Variants in DMRT1 observed in about 807,000 individuals in gnomAD.
DMRT1 encodes doublesex- and mab-3-related transcription factor 1.
In DMRT1, 7 loss-of-function variants were observed where a neutral mutation model predicts 32.3. The observed-to-expected ratio is 0.22, with a 90% CI of 0.12 to 0.41. DMRT1 has a LOEUF of 0.41. Ranked by LOEUF, DMRT1 falls within the 10% of genes least tolerant of loss-of-function variation. DMRT1 has a pLI of 1.00. For missense variants in DMRT1, 625 were observed against 500.5 expected, an observed-to-expected ratio of 1.25 and a Z score of -2.37; for synonymous variants, 278 against 206.1, an observed-to-expected ratio of 1.35 and a Z score of -2.99.
At chr9:844,549 G>C (rs899751342) in intron 1 of DMRT1, among the ~76,000 whole-genome samples, 2 of 149,314 alleles carry the variant, frequency 1.3e-5, no homozygotes, top group African/African-American at 2.6e-5. Flanking sequence ...CAAGATTTAA[G>C]CTTAATTATT....
At chr9:854,394 G>A (rs965748466) in intron 2 of DMRT1, among the ~76,000 whole-genome samples, 7 of 151,406 alleles carry the variant, frequency 4.6e-5, no homozygotes, top group Admixed American at 1.3e-4. Flanking sequence ...AGTGATTCTC[G>A]TGCCTCAGCC....
At chr9:901,106 C>G (rs762462007) in intron 3 of DMRT1, among the ~76,000 whole-genome samples, 13 of 152,218 alleles carry the variant, frequency 8.5e-5, no homozygotes, top group Non-Finnish European at 1.8e-4. Context: ...CCTCCACCTC[C>G]TGGACTTAAG....
chr9:935,811 A>G (rs1350500893), intron 4 of DMRT1, among the ~76,000 whole-genome samples: 2 of 152,222 alleles, frequency 1.3e-5, no homozygotes, highest in Non-Finnish European at 2.9e-5. Context: ...TTGTTTACTT[A>G]TCAAACCAAA....
intron 2 of DMRT1, among the ~76,000 whole-genome samples, chr9:874,879 T>C (rs912761280): frequency 1.4e-5 from 2 of 147,956 alleles, no homozygotes; most frequent in African/African-American, 5.0e-5. Flanking sequence ...GCTATCTCAC[T>C]TCACTGCAAG....
chr9:891,716 G>C (rs1039893381), intron 2 of DMRT1, among the ~76,000 whole-genome samples: 1 of 151,290 alleles, frequency 6.6e-6, no homozygotes, highest in African/African-American at 2.4e-5. Context: ...AGTAGAGACA[G>C]GGTTTCACCG....
intron 3 of DMRT1, among the ~76,000 whole-genome samples, chr9:913,330 C>T (rs1269130935): frequency 1.3e-5 from 2 of 152,134 alleles, no homozygotes; most frequent in East Asian, 1.9e-4. Context: ...ATGTCGGCAC[C>T]TTGCTTCTAA....
chr9:897,090 A>ATATTATTATTATTAT (rs35331172), intron 3 of DMRT1, among the ~76,000 whole-genome samples: 24 of 141,172 alleles, frequency 1.7e-4, no homozygotes, highest in African/African-American at 6.2e-4. Context: ...TTTTGGAATC[A>ATATTATTATTATTAT]TATTATTATT....
Position 842,186 on chromosome 9 carries a change from C to G in DMRT1, c.348C>G (p.Ala116=). The change falls in exon 1 of 5, where the codon GCC becomes GCG. Residue 116 remains alanine, a synonymous_variant. Coordinates refer to ENST00000382276, the MANE Select transcript of DMRT1 (RefSeq NM_021951.3). The part of the protein sequence containing the change: ...NLIAERQRVM[A]AQVALRRQQA... ...TCGCCGAGAGGCAGCGCGTGATGGC[C>G]GCGCAGGTGGGTGCGGGCGTGCGGG... The G allele has an allele frequency of 6.5e-7, 1 of 1,538,476 alleles. No individual in the cohort carries two copies. Among genetic ancestry groups the G allele is most frequent in the Non-Finnish European group, 8.7e-7 (1 of 1,148,472 alleles).
chr9:949,087 C>A (rs1052495189), intron 4 of DMRT1, among the ~76,000 whole-genome samples: 4 of 151,646 alleles, frequency 2.6e-5, no homozygotes, highest in Non-Finnish European at 4.4e-5. Flanking sequence ...AGTGAGACTC[C>A]ATCTTAAAAA....
chr9:871,193 G>A (rs1452704099), intron 2 of DMRT1, among the ~76,000 whole-genome samples: 1 of 150,804 alleles, frequency 6.6e-6, no homozygotes, highest in Non-Finnish European at 1.5e-5. Flanking sequence ...GCACCACCAT[G>A]CCCGGCTAAT....
intron 2 of DMRT1, among the ~76,000 whole-genome samples, chr9:886,991 T>C (rs977334476): frequency 2.0e-5 from 3 of 152,214 alleles, no homozygotes; most frequent in African/African-American, 7.2e-5. Flanking sequence ...CAAAAGGGAA[T>C]CTGGATTGCT....
At chr9:893,818 T>G in intron 2 of DMRT1, 94 bp from the exon 3 acceptor site, 3 of 1,169,856 alleles carry the variant, frequency 2.6e-6, no homozygotes, top group Non-Finnish European at 3.8e-6. Context: ...TCAGCTACCT[T>G]GCTCCGCAGG....
At position 871,555 on chromosome 9, in the gene DMRT1, A is replaced by T. The variant is rs12001206; in HGVS notation, c.539-22357A>T. On this transcript the variant is annotated intron_variant, in intron 2 of 4. Coordinates refer to ENST00000382276, the MANE Select transcript of DMRT1 (RefSeq NM_021951.3). ...ACGGGGTTTCACCGTGTTAGCCAGG[A>T]TGGTCTCGATCTCCTGACCTCGTGA... Among the ~76,000 whole-genome samples the T allele has an allele frequency of 3.1e-3, 386 of 126,178 alleles. 3 individuals are homozygous for T. Among genetic ancestry groups the T allele is most frequent in the African/African-American group, 0.012 (362 of 31,112 alleles). The allele number at this position is 126,178 out of a possible 152,430, so 82.8% of individuals were successfully genotyped here. A position where few individuals can be genotyped will look rare whatever the true frequency, so the allele number is the denominator to read the frequency against.
intron 4 of DMRT1, among the ~76,000 whole-genome samples, chr9:945,401 C>T (rs559904638): frequency 1.7e-4 from 26 of 152,310 alleles, no homozygotes; most frequent in East Asian, 3.9e-4. Flanking sequence ...GGTGATCCAC[C>T]GGCCTTAGCC....
At chr9:911,056 G>C (rs2129737957) in intron 3 of DMRT1, among the ~76,000 whole-genome samples, 1 of 152,256 alleles carries the variant, frequency 6.6e-6, no homozygotes, top group South Asian at 2.1e-4. Flanking sequence ...CTGGAGGTGA[G>C]GGACTGAGCA....
intron 4 of DMRT1, among the ~76,000 whole-genome samples, chr9:929,870 A>C (rs184982505): frequency 1.1e-3 from 173 of 152,210 alleles, no homozygotes; most frequent in African/African-American, 3.9e-3. Context: ...GGCCTAGCAT[A>C]ATGCTCTGGG....
At chr9:930,504 C>A (rs545316546) in intron 4 of DMRT1, among the ~76,000 whole-genome samples, 2 of 151,812 alleles carry the variant, frequency 1.3e-5, no homozygotes, top group African/African-American at 4.8e-5. Context: ...CTCCGCCTCT[C>A]GGGTTCATGC....
chr9:936,335 T>C (rs1426991366), intron 4 of DMRT1, among the ~76,000 whole-genome samples: 1 of 152,200 alleles, frequency 6.6e-6, no homozygotes, highest in Non-Finnish European at 1.5e-5. Flanking sequence ...GGTTATGAAA[T>C]ACCTGCTTCA....
At chr9:960,834 A>T (rs560882185) in intron 4 of DMRT1, among the ~76,000 whole-genome samples, 67 of 152,348 alleles carry the variant, frequency 4.4e-4, no homozygotes, top group African/African-American at 1.6e-3. Context: ...CTCAAGAAAG[A>T]TGAAGTAGGG....
Sources: allele counts gnomAD v4.1 joint callset (sites outside exome capture counted in the v4.1 genomes callset), GRCh38; gene constraint gnomAD v4.1.1; transcripts MANE v1.5; gene names NCBI Gene and HGNC (gene_info 2026-07-23, HGNC 2026-07-21).